CSMD1: variants seen among roughly 807,000 people sequenced by gnomAD.
The protein encoded by CSMD1 is CUB and sushi domain-containing protein 1.
CSMD1 carries 213 observed loss-of-function variants against 417.5 expected under a neutral mutation model. That is an observed-to-expected ratio of 0.51 (90% CI 0.46 to 0.57). The LOEUF (loss-of-function observed/expected upper bound fraction) is 0.57, where lower values mean the gene tolerates loss of function less well. Among genes scored for constraint, CSMD1 ranks in the 20% least tolerant of loss-of-function variants. The pLI is 0.00. For synonymous variants in CSMD1, 2,862 were observed against 1,736.8 expected, an observed-to-expected ratio of 1.65 and a Z score of -16.11; for missense variants, 6,923 against 4,529.7, an observed-to-expected ratio of 1.53 and a Z score of -15.17.
At chr8:4,225,757 G>C (rs764028184) in intron 3 of CSMD1, among the ~76,000 whole-genome samples, 1 of 151,876 alleles carries the variant, frequency 6.6e-6, no homozygotes, top group Non-Finnish European at 1.5e-5. Flanking sequence ...GGTTTCAATG[G>C]GGCCAATCTA....
At chr8:3,105,233 G>T (rs62488455) in intron 46 of CSMD1, among the ~76,000 whole-genome samples, 1 of 152,182 alleles carries the variant, frequency 6.6e-6, no homozygotes, top group Non-Finnish European at 1.5e-5. Context: ...AGAGTGACTT[G>T]CTCAAAGCTG....
chr8:3,533,386 C>T (rs1208205109), intron 10 of CSMD1, among the ~76,000 whole-genome samples: 1 of 152,162 alleles, frequency 6.6e-6, no homozygotes, highest in Non-Finnish European at 1.5e-5. Flanking sequence ...TGAACAGTGA[C>T]TCCTCATTTC....
At chr8:3,534,504 G>A (rs984548272) in intron 10 of CSMD1, among the ~76,000 whole-genome samples, 12 of 147,950 alleles carry the variant, frequency 8.1e-5, no homozygotes, top group African/African-American at 3.0e-4. Flanking sequence ...AGATATTTTT[G>A]GCTTTCTCAA....
intron 3 of CSMD1, among the ~76,000 whole-genome samples, chr8:4,354,373 G>A (rs956127670): frequency 6.6e-6 from 1 of 152,104 alleles, no homozygotes; most frequent in African/African-American, 2.4e-5. Flanking sequence ...CACAAACCTG[G>A]TCATTTCGTA....
intron 2 of CSMD1, among the ~76,000 whole-genome samples, chr8:4,437,318 A>C (rs1326695007): frequency 6.6e-6 from 1 of 152,184 alleles, no homozygotes; most frequent in Non-Finnish European, 1.5e-5. Flanking sequence ...AGAGAAAAAA[A>C]ATAAGCTTGT....
intron 33 of CSMD1, among the ~76,000 whole-genome samples, chr8:3,196,374 G>A (rs1272796284): frequency 6.6e-6 from 1 of 152,106 alleles, no homozygotes; most frequent in Non-Finnish European, 1.5e-5. Context: ...AGTGGCCCAT[G>A]CTGCTGCTCT....
At chr8:3,898,092 G>T (rs559323316) in intron 5 of CSMD1, among the ~76,000 whole-genome samples, 1 of 151,992 alleles carries the variant, frequency 6.6e-6, no homozygotes, top group African/African-American at 2.4e-5. Context: ...TATTACAATC[G>T]CCCTGACACC....
At chr8:4,411,130 T>A (rs1033543368) in intron 3 of CSMD1, among the ~76,000 whole-genome samples, 1 of 152,120 alleles carries the variant, frequency 6.6e-6, no homozygotes, top group African/African-American at 2.4e-5. Context: ...CCAACCTCCA[T>A]AACCATGAGA....
chr8:4,721,563 T>C (rs1472027410), intron 1 of CSMD1, among the ~76,000 whole-genome samples: 1 of 152,128 alleles, frequency 6.6e-6, no homozygotes, highest in Non-Finnish European at 1.5e-5. Context: ...GAAAGATAAA[T>C]GTTGACAAAG....
intron 3 of CSMD1, among the ~76,000 whole-genome samples, chr8:4,312,475 A>ACG (rs1585210329): frequency 1.3e-5 from 2 of 149,706 alleles, no homozygotes; most frequent in African/African-American, 4.9e-5. Context: ...GTATATATAT[A>ACG]TATACACATA....
At chr8:4,071,667 G>C (rs896817675) in intron 3 of CSMD1, among the ~76,000 whole-genome samples, 1 of 152,042 alleles carries the variant, frequency 6.6e-6, no homozygotes, top group Admixed American at 6.6e-5. Context: ...ATTAGTTGTT[G>C]TTTCTGGAAT....
intron 2 of CSMD1, among the ~76,000 whole-genome samples, chr8:4,586,502 T>C (rs1799706648): frequency 6.6e-6 from 1 of 152,228 alleles, no homozygotes; most frequent in African/African-American, 2.4e-5. Context: ...TAGTTCCTTC[T>C]GGATGAGCCA....
intron 3 of CSMD1, among the ~76,000 whole-genome samples, chr8:4,278,663 T>C (rs1796615878): frequency 6.6e-6 from 1 of 152,196 alleles, no homozygotes; most frequent in Non-Finnish European, 1.5e-5. Flanking sequence ...AGCTTTTTAT[T>C]AACATACCGA....
chr8:2,997,147 C>G (rs572555320), intron 54 of CSMD1, among the ~76,000 whole-genome samples: 1 of 152,294 alleles, frequency 6.6e-6, no homozygotes, highest in South Asian at 2.1e-4. Flanking sequence ...TGGTCAAAAC[C>G]CAAGCATTCT....
intron 1 of CSMD1, among the ~76,000 whole-genome samples, chr8:4,935,757 C>T (rs997958108): frequency 4.6e-5 from 7 of 152,136 alleles, no homozygotes; most frequent in South Asian, 4.1e-4. Context: ...CTGAGAAGTT[C>T]TTCTGTGATT....
At chr8:4,982,893 T>G (rs1185869483) in intron 1 of CSMD1, among the ~76,000 whole-genome samples, 1 of 152,186 alleles carries the variant, frequency 6.6e-6, no homozygotes, top group East Asian at 1.9e-4. Flanking sequence ...GTAACTGCAG[T>G]TGTAAAAGAA....
chr8:4,958,292 C>T (rs533314707), intron 1 of CSMD1, among the ~76,000 whole-genome samples: 1 of 152,016 alleles, frequency 6.6e-6, no homozygotes, highest in African/African-American at 2.4e-5. Context: ...TTTGACACAT[C>T]AATTTTTTTT....
At chr8:3,369,777 G>A (rs553043126) in intron 18 of CSMD1, among the ~76,000 whole-genome samples, 1 of 152,194 alleles carries the variant, frequency 6.6e-6, no homozygotes, top group Non-Finnish European at 1.5e-5. Flanking sequence ...AAAAAAAGAA[G>A]AGAAAGTTTT....
intron 3 of CSMD1, among the ~76,000 whole-genome samples, chr8:4,223,556 G>T (rs1334801864): frequency 6.6e-6 from 1 of 152,368 alleles, no homozygotes; most frequent in East Asian, 1.9e-4. Flanking sequence ...GAGCTGGCCT[G>T]CAAGGCAGGA....
Sources: gnomAD v4.1 joint callset for allele counts (sites outside exome capture counted in the v4.1 genomes callset) on GRCh38, gnomAD v4.1.1 for gene constraint, MANE v1.5 for transcripts, NCBI Gene and HGNC (gene_info 2026-07-23, HGNC 2026-07-21) for gene names.